The following LRMDA variants were observed in gnomAD, a reference collection of about 807,000 sequenced individuals.
LRMDA encodes the protein leucine rich melanocyte differentiation associated, also known as leucine-rich melanocyte differentiation-associated protein.
In LRMDA, 18 loss-of-function variants were observed where a neutral mutation model predicts 29.8. That is an observed-to-expected ratio of 0.60 (90% confidence interval 0.42 to 0.90). LRMDA has a LOEUF of 0.90. Among genes scored for constraint, LRMDA ranks in the 40% least tolerant of loss-of-function variants. The pLI is 0.00. For synonymous variants in LRMDA, 125 were observed against 109.4 expected, an observed-to-expected ratio of 1.14 and a Z score of -0.89; for missense variants, 273 against 273.9, an observed-to-expected ratio of 1.00 and a Z score of 0.02.
intron 6 of LRMDA, among the ~76,000 whole-genome samples, chr10:76,483,545 T>C (rs868231315): frequency 4.0e-5 from 6 of 151,856 alleles, no homozygotes; most frequent in Admixed American, 1.3e-4. Context: ...CTCCAGTGTA[T>C]AGGGACTATC....
chr10:75,467,953 C>T (rs113432605), intron 2 of LRMDA, among the ~76,000 whole-genome samples: 1 of 140,780 alleles, frequency 7.1e-6, no homozygotes, highest in Non-Finnish European at 1.5e-5. Flanking sequence ...GAGTGAGACT[C>T]CGTCACACAC....
At chr10:76,232,458 G>C (rs1852075460) in intron 5 of LRMDA, among the ~76,000 whole-genome samples, 1 of 152,232 alleles carries the variant, frequency 6.6e-6, no homozygotes, top group African/African-American at 2.4e-5. Context: ...CTTCATAGGG[G>C]AGAAGAGAGG....
chr10:76,538,848 A>G (rs1489636968), intron 6 of LRMDA, among the ~76,000 whole-genome samples: 1 of 152,022 alleles, frequency 6.6e-6, no homozygotes, highest in African/African-American at 2.4e-5. Context: ...AACTTTTATT[A>G]TAGTTATTTT....
intron 2 of LRMDA, among the ~76,000 whole-genome samples, chr10:75,546,883 CT>C (rs1258558693): frequency 6.6e-6 from 1 of 152,130 alleles, no homozygotes; most frequent in Admixed American, 6.5e-5. Context: ...TATTATTTCA[CT>C]GAATCCTCCC....
intron 2 of LRMDA, among the ~76,000 whole-genome samples, chr10:75,594,180 C>T (rs998945580): frequency 3.9e-5 from 6 of 152,200 alleles, no homozygotes; most frequent in Admixed American, 2.0e-4. Flanking sequence ...TAAGGAAGAG[C>T]ACACTGAGAG....
At chr10:76,084,905 A>G (rs538561665) in intron 5 of LRMDA, among the ~76,000 whole-genome samples, 79 of 152,278 alleles carry the variant, frequency 5.2e-4, no homozygotes, top group African/African-American at 1.7e-3. Flanking sequence ...GCTCAATGTC[A>G]TCTTCATTAC....
At chr10:75,692,245 T>C (rs796268572) in intron 2 of LRMDA, among the ~76,000 whole-genome samples, 144 of 127,752 alleles carry the variant, frequency 1.1e-3, no homozygotes, top group African/African-American at 2.8e-3. Flanking sequence ...TATATATATA[T>C]ATACATATAT....
chr10:75,436,553 C>T (rs1293166242), intron 1 of LRMDA, among the ~76,000 whole-genome samples: 2 of 151,846 alleles, frequency 1.3e-5, no homozygotes, highest in East Asian at 1.9e-4. Flanking sequence ...CTGCAAGCTC[C>T]GCCTCCAGGG....
chr10:75,635,625 C>T (rs76000163), intron 2 of LRMDA, among the ~76,000 whole-genome samples: 43 of 152,110 alleles, frequency 2.8e-4, no homozygotes, highest in African/African-American at 9.6e-4. Flanking sequence ...TCTGGTTCTA[C>T]AGTTACAGGG....
At chr10:75,849,716 A>G (rs992017518) in intron 2 of LRMDA, among the ~76,000 whole-genome samples, 1 of 152,228 alleles carries the variant, frequency 6.6e-6, no homozygotes, top group African/African-American at 2.4e-5. Flanking sequence ...ACGTTTACCT[A>G]TGTAACAAAC....
chr10:76,078,616 A>G (rs1009724669), intron 5 of LRMDA, among the ~76,000 whole-genome samples: 6 of 152,004 alleles, frequency 3.9e-5, no homozygotes, highest in Non-Finnish European at 1.5e-5. Flanking sequence ...CGGGTGGATC[A>G]TGAGGTCAGG....
In LRMDA at chr10:75,803,096, C is replaced by T. The variant is rs972729375; in HGVS notation, c.132-232912C>T. 9.9e-5 allele frequency among the ~76,000 whole-genome samples: 15 copies of T among 151,918 alleles called. 1 individual carries two copies. The highest frequency in any genetic ancestry group is 4.8e-5 in the African/African-American group (2 of 41,332). On this transcript the variant is annotated intron_variant, in intron 2 of 6. Coordinates refer to ENST00000611255, the MANE Select transcript of LRMDA (RefSeq NM_001305581.2). ...TTCTAGTCACTGTTCTGGCACTTGACGTGCAGAGCCTCCTGGTAGCCTTCA... is the reference window on the plus strand; with the variant it reads ...TTCTAGTCACTGTTCTGGCACTTGATGTGCAGAGCCTCCTGGTAGCCTTCA...
chr10:75,902,343 G>C lies in LRMDA; in HGVS notation c.132-133665G>C, dbSNP rs573663683. Among the ~76,000 whole-genome samples the C allele has an allele frequency of 1.9e-3, 286 of 152,258 alleles. 3 individuals carry two copies. Among genetic ancestry groups the C allele is most frequent in the African/African-American group, 6.3e-3 (262 of 41,560 alleles). On this transcript the variant is annotated intron_variant, in intron 2 of 6. Coordinates refer to ENST00000611255, the MANE Select transcript of LRMDA (RefSeq NM_001305581.2). ...TCTACTAACTGGGGAGTAGGCTCCA[G>C]GTTGGAAATGCCCTTGTTCCCTGGA...
chr10:75,672,324 G>T (rs555735521), intron 2 of LRMDA, among the ~76,000 whole-genome samples: 1 of 151,950 alleles, frequency 6.6e-6, no homozygotes, highest in African/African-American at 2.4e-5. Flanking sequence ...CAAAGGATAG[G>T]CCCCTTTCAG....
chr10:75,482,065 T>A lies in LRMDA; in HGVS notation c.131+43571T>A, dbSNP rs147742786. On this transcript the variant is annotated intron_variant, in intron 2 of 6. Transcript: ENST00000611255. Reference sequence around the variant, plus strand: ...GCAGATTCTGTTATGTTCCTAGTTATTCTCCCTCCCTGTATCTGTGCCCTT... The same window carrying A: ...GCAGATTCTGTTATGTTCCTAGTTAATCTCCCTCCCTGTATCTGTGCCCTT... Among the ~76,000 whole-genome samples the A allele has an allele frequency of 6.7e-3, 1,015 of 152,300 alleles. 13 individuals are homozygous for A. The highest frequency in any genetic ancestry group is 0.023 in the African/African-American group (938 of 41,562).
intron 6 of LRMDA, among the ~76,000 whole-genome samples, chr10:76,554,888 T>TGTGTGTGG (rs1843536752): frequency 7.8e-6 from 1 of 128,224 alleles, no homozygotes; most frequent in African/African-American, 2.6e-5. Context: ...TGTGTGTGTG[T>TGTGTGTGG]GTGTGTGTGG....
intron 5 of LRMDA, among the ~76,000 whole-genome samples, chr10:76,258,300 G>A (rs777924121): frequency 6.6e-5 from 10 of 151,864 alleles, no homozygotes; most frequent in Non-Finnish European, 1.5e-4. Flanking sequence ...AGTTCATGTA[G>A]CCTTTTTAAA....
chr10:76,493,881 G>A (rs181398939), intron 6 of LRMDA, among the ~76,000 whole-genome samples: 1 of 152,048 alleles, frequency 6.6e-6, no homozygotes, highest in Admixed American at 6.6e-5. Context: ...CTTGTTTTTA[G>A]ATTTATTTCT....
intron 2 of LRMDA, among the ~76,000 whole-genome samples, chr10:75,608,771 G>A (rs942321818): frequency 5.3e-5 from 8 of 152,144 alleles, no homozygotes; most frequent in African/African-American, 1.9e-4. Flanking sequence ...TTTAAGTGAG[G>A]ATAAGGCTGA....
Sources: gnomAD v4.1 joint callset for allele counts (sites outside exome capture counted in the v4.1 genomes callset) on GRCh38, gnomAD v4.1.1 for gene constraint, MANE v1.5 for transcripts, NCBI Gene and HGNC (gene_info 2026-07-23, HGNC 2026-07-21) for gene names.